Variants in CAPN8 observed in about 807,000 individuals in gnomAD.
CAPN8 encodes calpain-8.
Under a neutral mutation model 80.9 loss-of-function variants are expected in CAPN8, and 87 were observed. That is an observed-to-expected ratio of 1.07 (90% CI 0.90 to 1.28). The LOEUF is 1.28. CAPN8 is among the 50% of genes most tolerant of loss of function. The probability of loss-of-function intolerance (pLI) is 0.00; values close to 1 mark genes in which losing one functional copy is unlikely to be tolerated. For synonymous variants in CAPN8, 299 were observed against 273.8 expected (o/e 1.09, Z -0.91); for missense variants, 757 against 702.0 (o/e 1.08, Z -0.89).
intron 2 of CAPN8, among the ~76,000 whole-genome samples, chr1:223,630,297 TCG>T (rs1317433299): frequency 8.7e-6 from 1 of 115,326 alleles, no homozygotes; most frequent in African/African-American, 2.9e-5. Context: ...TCCCGCTCAC[TCG>T]CTCTCTCTCT....
chr1:223,665,444 G>A lies in CAPN8; in HGVS notation c.203C>T (p.Pro68Leu), dbSNP rs916670766. Residue 68 changes from proline to leucine, a missense_variant, in exon 1 of 21, where the codon CCG (proline) becomes CTG (leucine). Transcript: ENST00000366872. ...CTTCCAGATGATGCCTTGAGTTTGCGGAGAGCCTGGTCCAAGATCCTTGTA... is the reference window on the plus strand; with the variant it reads ...CTTCCAGATGATGCCTTGAGTTTGCAGAGAGCCTGGTCCAAGATCCTTGTA... ...LGYKDLGPGS[P>L]QTQGIIWKRP... The A allele has an allele frequency of 2.1e-5, 32 of 1,551,920 alleles. No individual in the cohort carries two copies. Among genetic ancestry groups the A allele is most frequent in the East Asian group, 1.2e-4 (5 of 40,920 alleles).
chr1:223,549,545 C>G (rs772407697), intron 15 of CAPN8, 163 bp from the exon 16 acceptor site: 2 of 1,036,116 alleles, frequency 1.9e-6, no homozygotes, highest in East Asian at 2.6e-5. Context: ...TGGGCAGATA[C>G]GCCTGAGCCT....
At chr1:223,613,743 C>A (rs566555866) in intron 10 of CAPN8, among the ~76,000 whole-genome samples, 95 of 152,314 alleles carry the variant, frequency 6.2e-4, no homozygotes, top group African/African-American at 2.2e-3. Flanking sequence ...GCTTCTCAGT[C>A]AGCAGCAGGT....
intron 19 of CAPN8, 115 bp from the exon 20 acceptor site, chr1:223,543,281 C>T (rs1656522552): frequency 8.3e-7 from 1 of 1,200,456 alleles, no homozygotes; most frequent in African/African-American, 1.6e-5. Flanking sequence ...CTTTCCCCTA[C>T]CACCCCCTCC....
In CAPN8 at chr1:223,616,009, T is replaced by C. The variant is rs2102701125; in HGVS notation, c.1272A>G (p.Ile424Met). The change falls in exon 10 of 21, where the codon ATA becomes ATG. Residue 424 changes from isoleucine (I) to methionine (M), a missense_variant. Transcript: ENST00000366872. ...MQKNRRWRKR[I>M]GQGMLSIGYA... Reference sequence around the variant, plus strand: ...AGCCGATGCTAAGCATGCCTTGTCCTATCCGCTTCCGCCACCTGCGATTTT... The same window carrying C: ...AGCCGATGCTAAGCATGCCTTGTCCCATCCGCTTCCGCCACCTGCGATTTT... 1.3e-6 allele frequency: 2 copies of C among 1,552,310 alleles called. No individual in the cohort carries two copies. The highest frequency in any genetic ancestry group is 1.2e-5 in the South Asian group (1 of 84,068).
At chr1:223,617,302 T>A (rs1418384784) in intron 9 of CAPN8, 1 of 143,304 alleles carries the variant, frequency 7.0e-6, no homozygotes, top group Non-Finnish European at 1.5e-5. Context: ...TTGTTTGTTT[T>A]GTTTTGTTTT....
intron 2 of CAPN8, among the ~76,000 whole-genome samples, chr1:223,633,862 A>G (rs1657841798): frequency 6.6e-6 from 1 of 152,164 alleles, no homozygotes; most frequent in Non-Finnish European, 1.5e-5. Context: ...ACACCAAGGG[A>G]AGAAATGGAG....
chr1:223,557,932 G>A (rs1656943576), intron 13 of CAPN8, among the ~76,000 whole-genome samples, 199 bp downstream of exon 13: 1 of 152,206 alleles, frequency 6.6e-6, no homozygotes, highest in Non-Finnish European at 1.5e-5. Context: ...AGGGGGTAGG[G>A]ATATATTACA....
intron 14 of CAPN8, among the ~76,000 whole-genome samples, chr1:223,552,122 C>T (rs139953031): frequency 1.3e-3 from 193 of 152,230 alleles, no homozygotes; most frequent in African/African-American, 4.4e-3. Flanking sequence ...TGACTTTAGC[C>T]GAGTCACTTT....
rs1657310604 is a variant in CAPN8 at position 223,619,438 on chromosome 1, A to G, written c.990T>C (p.Asp330=). 26 of 1,551,582 alleles carry G rather than the reference A, an allele frequency of 1.7e-5. 1 individual carries two copies. In the East Asian group the frequency reaches 6.4e-4, roughly 38 times the overall value. ...EDGEFWMSLS[D]FVRQFSRLEI... ...CCAACCGAGAGAACTGCCTCACGAA[A>G]TCTGAAAGTGACATCCTGGGGCAGA... Residue 330 remains aspartate (D), a synonymous_variant, in exon 9 of 21, where the codon GAT becomes GAC. Transcript: ENST00000366872.
chr1:223,543,250 A>T (rs565906476), intron 19 of CAPN8, 84 bp from the exon 20 acceptor site: 3 of 1,457,588 alleles, frequency 2.1e-6, no homozygotes, highest in Non-Finnish European at 2.8e-6. Flanking sequence ...TGTCTACCCC[A>T]TCCCCACCTG....
intron 2 of CAPN8, among the ~76,000 whole-genome samples, chr1:223,648,574 T>G (rs1029732778): frequency 7.2e-5 from 11 of 152,232 alleles, no homozygotes; most frequent in Non-Finnish European, 1.5e-4. Flanking sequence ...AGCCCAGGCC[T>G]CGCTCCATGG....
chr1:223,645,071 A>T (rs1658152181), intron 2 of CAPN8, among the ~76,000 whole-genome samples: 1 of 152,210 alleles, frequency 6.6e-6, no homozygotes, highest in Non-Finnish European at 1.5e-5. Flanking sequence ...CCAACAGCGC[A>T]GCCTTCAGTC....
chr1:223,614,489 T>A (rs1657115740), intron 10 of CAPN8, among the ~76,000 whole-genome samples: 1 of 151,828 alleles, frequency 6.6e-6, no homozygotes, highest in Admixed American at 6.6e-5. Context: ...TCCAAAACCA[T>A]CACTTAACTT....
intron 1 of CAPN8, among the ~76,000 whole-genome samples, chr1:223,656,192 G>T (rs913038794): frequency 6.6e-6 from 1 of 152,062 alleles, no homozygotes; most frequent in Non-Finnish European, 1.5e-5. Flanking sequence ...AATTTTGCTG[G>T]GTGCGGTGGC....
intron 2 of CAPN8, among the ~76,000 whole-genome samples, chr1:223,635,328 AAC>A (rs1292636076): frequency 6.6e-6 from 1 of 151,894 alleles, no homozygotes; most frequent in Non-Finnish European, 1.5e-5. Context: ...ACTACCTTAA[AAC>A]ACACACACAC....
At chr1:223,558,188 T>G in intron 12 of CAPN8, 21 bp from the exon 13 acceptor site, 1 of 398,542 alleles carries the variant, frequency 2.5e-6, no homozygotes, top group East Asian at 3.6e-5. Context: ...AAGAAAGAAA[T>G]AAACCAAACA....
In CAPN8 at chr1:223,610,099, T is replaced by A. The variant is rs888954512; in HGVS notation, c.1324-735A>T. 3.9e-3 allele frequency among the ~76,000 whole-genome samples: 593 copies of A among 152,338 alleles called. 21 individuals are homozygous for A. In the East Asian group the frequency reaches 0.085, roughly 22 times the overall value. On this transcript the variant is annotated intron_variant, in intron 11 of 20. Transcript: ENST00000366872. ...ACACAGGTGCCAAAGTTATTATTGC[T>A]GTAATTAAGCCTCCCCATAACACTG...
At chr1:223,621,420 G>T (rs1486893501) in intron 7 of CAPN8, among the ~76,000 whole-genome samples, 1 of 152,092 alleles carries the variant, frequency 6.6e-6, no homozygotes, top group Admixed American at 6.5e-5. Flanking sequence ...GCCTGCCAGG[G>T]AGCGGGTGCT....
Sources: gnomAD v4.1 joint callset for allele counts (sites outside exome capture counted in the v4.1 genomes callset) on GRCh38, gnomAD v4.1.1 for gene constraint, MANE v1.5 for transcripts, NCBI Gene and HGNC (gene_info 2026-07-23, HGNC 2026-07-21) for gene names.